LRMDA: variants seen among roughly 807,000 people sequenced by gnomAD.
LRMDA encodes leucine-rich melanocyte differentiation-associated protein.
Under a neutral mutation model 29.8 loss-of-function variants are expected in LRMDA, and 18 were observed. The ratio of observed to expected loss-of-function variants is 0.60; its 90% confidence interval spans 0.42 to 0.90. The LOEUF is 0.90. LRMDA is among the 40% of genes least tolerant of loss of function. LRMDA has a pLI of 0.00. For missense variants in LRMDA, 273 were observed against 273.9 expected, an observed-to-expected ratio of 1.00 and a Z score of 0.02; for synonymous variants, 125 against 109.4, an observed-to-expected ratio of 1.14 and a Z score of -0.89.
intron 6 of LRMDA, chr10:76,470,503 C>T (rs1842607248): frequency 6.6e-6 from 1 of 151,972 alleles, no homozygotes; most frequent in South Asian, 2.1e-4. Context: ...CCCAAATGTC[C>T]ATCAAGGGAT....
At chr10:75,626,227 A>G (rs1841248486) in intron 2 of LRMDA, among the ~76,000 whole-genome samples, 1 of 152,094 alleles carries the variant, frequency 6.6e-6, no homozygotes, top group South Asian at 2.1e-4. Context: ...AGCCCCACTG[A>G]GAACAGCATG....
At chr10:75,592,707 C>T (rs1840739044) in intron 2 of LRMDA, among the ~76,000 whole-genome samples, 1 of 152,164 alleles carries the variant, frequency 6.6e-6, no homozygotes, top group Non-Finnish European at 1.5e-5. Flanking sequence ...TCCTCAGTCT[C>T]GGTAAAATGG....
intron 5 of LRMDA, among the ~76,000 whole-genome samples, chr10:76,303,851 G>A (rs1017525431): frequency 6.6e-6 from 1 of 151,944 alleles, no homozygotes; most frequent in South Asian, 2.1e-4. Flanking sequence ...GCCAGGCAGC[G>A]GCTAACACGC....
At chr10:76,089,883 C>T (rs1478312600) in intron 5 of LRMDA, among the ~76,000 whole-genome samples, 1 of 152,214 alleles carries the variant, frequency 6.6e-6, no homozygotes, top group African/African-American at 2.4e-5. Flanking sequence ...AATGTTAATG[C>T]ATCTTTCCCA....
At chr10:76,310,820 G>T (rs1035254151) in intron 5 of LRMDA, among the ~76,000 whole-genome samples, 45 of 152,146 alleles carry the variant, frequency 3.0e-4, no homozygotes, top group Non-Finnish European at 4.6e-4. Flanking sequence ...AGTCATGCTG[G>T]CATGCACTCT....
intron 5 of LRMDA, among the ~76,000 whole-genome samples, chr10:76,114,649 C>A (rs1000978090): frequency 6.6e-6 from 1 of 152,176 alleles, no homozygotes; most frequent in African/African-American, 2.4e-5. Flanking sequence ...CCTTTCCTTC[C>A]CCTCATCAGC....
chr10:76,512,176 A>G (rs1843014990), intron 6 of LRMDA, among the ~76,000 whole-genome samples: 2 of 152,166 alleles, frequency 1.3e-5, no homozygotes, highest in Admixed American at 6.5e-5. Flanking sequence ...GCCACTATGT[A>G]AGAAGTGCCT....
At chr10:75,899,871 A>G (rs1244138354) in intron 2 of LRMDA, among the ~76,000 whole-genome samples, 1 of 152,176 alleles carries the variant, frequency 6.6e-6, no homozygotes, top group East Asian at 1.9e-4. Context: ...GCACTCTGCA[A>G]ATCCACATCA....
intron 6 of LRMDA, among the ~76,000 whole-genome samples, chr10:76,538,351 T>G (rs1400957274): frequency 6.6e-6 from 1 of 150,416 alleles, no homozygotes; most frequent in Non-Finnish European, 1.5e-5. Flanking sequence ...TGTATATGGG[T>G]TTTTTTTTAA....
At chr10:76,547,530 C>G (rs77620927) in intron 6 of LRMDA, among the ~76,000 whole-genome samples, 1,959 of 152,062 alleles carry the variant, frequency 0.013, 47 homozygotes, top group African/African-American at 0.045. Context: ...AAGCAAGCGG[C>G]TGCTTTCCTA....
intron 2 of LRMDA, among the ~76,000 whole-genome samples, chr10:75,695,935 T>C (rs1842228523): frequency 6.6e-6 from 1 of 152,172 alleles, no homozygotes; most frequent in East Asian, 1.9e-4. Flanking sequence ...GGTGGAATAA[T>C]GGACATATAC....
intron 6 of LRMDA, among the ~76,000 whole-genome samples, chr10:76,493,041 G>T (rs1225669165): frequency 6.6e-6 from 1 of 152,020 alleles, no homozygotes; most frequent in East Asian, 1.9e-4. Context: ...ACATGTGATT[G>T]TTCAAGGCCC....
intron 2 of LRMDA, among the ~76,000 whole-genome samples, chr10:75,957,861 C>G (rs1246810115): frequency 6.6e-6 from 1 of 152,132 alleles, no homozygotes; most frequent in Non-Finnish European, 1.5e-5. Flanking sequence ...TTAGCTCCAT[C>G]TGGTCGCAGT....
chr10:75,800,096 T>C (rs1201912816), intron 2 of LRMDA, among the ~76,000 whole-genome samples: 1 of 152,216 alleles, frequency 6.6e-6, no homozygotes, highest in African/African-American at 2.4e-5. Context: ...CATTTGCTGT[T>C]AAGACCATTT....
chr10:76,114,604 C>T (rs1248231852), intron 5 of LRMDA, among the ~76,000 whole-genome samples: 3 of 152,112 alleles, frequency 2.0e-5, no homozygotes, highest in Admixed American at 1.3e-4. Flanking sequence ...ATTGATAGGT[C>T]GAGTTTACAT....
At chr10:76,461,552 C>A (rs1348458513) in intron 6 of LRMDA, among the ~76,000 whole-genome samples, 7 of 152,122 alleles carry the variant, frequency 4.6e-5, no homozygotes, top group Admixed American at 4.6e-4. Flanking sequence ...TGCCTTAACT[C>A]TAGAACCATA....
chr10:75,765,357 C>G (rs1843149938), intron 2 of LRMDA, among the ~76,000 whole-genome samples: 1 of 151,922 alleles, frequency 6.6e-6, no homozygotes, highest in Non-Finnish European at 1.5e-5. Flanking sequence ...CTCAGGGTTT[C>G]TTTATTCAGG....
At chr10:76,463,846 T>C (rs1842536359) in intron 6 of LRMDA, among the ~76,000 whole-genome samples, 1 of 152,036 alleles carries the variant, frequency 6.6e-6, no homozygotes, top group Non-Finnish European at 1.5e-5. Flanking sequence ...TAGACTCTTA[T>C]CTAACTTGTG....
rs187482056 is a variant in LRMDA at position 76,501,513 on chromosome 10, A to G, written c.602-55696A>G. Reference sequence around the variant, plus strand: ...AGTGTGTAAGCATTTGCTTTTCTCCATGGCCTCACCAGCATATGTCATTTT... The same window carrying G: ...AGTGTGTAAGCATTTGCTTTTCTCCGTGGCCTCACCAGCATATGTCATTTT... On this transcript the variant is annotated intron_variant, in intron 6 of 6. Coordinates refer to ENST00000611255, the MANE Select transcript of LRMDA (RefSeq NM_001305581.2). 3.8e-4 allele frequency among the ~76,000 whole-genome samples: 58 copies of G among 152,088 alleles called. 1 individual carries two copies. The highest frequency in any genetic ancestry group is 2.6e-4 in the Admixed American group (4 of 15,252).
Sources: gnomAD v4.1 joint callset for allele counts (sites outside exome capture counted in the v4.1 genomes callset) on GRCh38, gnomAD v4.1.1 for gene constraint, MANE v1.5 for transcripts, NCBI Gene and HGNC (gene_info 2026-07-23, HGNC 2026-07-21) for gene names.